Variants in CSNK2A2IP observed in about 807,000 individuals in gnomAD.
CSNK2A2IP encodes casein kinase II subunit alpha'-interacting protein.
chr3:88,424,396 C>T, the CSNK2A2IP span, among the ~76,000 whole-genome samples: 5 of 152,192 alleles, frequency 3.3e-5, no homozygotes, highest in East Asian at 9.7e-4. Flanking sequence ...TATAATGTGA[C>T]GTTGTACAAA....
the CSNK2A2IP span, among the ~76,000 whole-genome samples, chr3:88,400,904 A>G: frequency 6.6e-6 from 1 of 152,190 alleles, no homozygotes; most frequent in African/African-American, 2.4e-5. Context: ...GCAGAGGGAG[A>G]AAAGCATGGA....
the CSNK2A2IP span, among the ~76,000 whole-genome samples, chr3:88,430,708 G>A: frequency 6.6e-6 from 1 of 152,024 alleles, no homozygotes; most frequent in Non-Finnish European, 1.5e-5. Context: ...CAGATTTTTA[G>A]AAGAGTCAAT....
the CSNK2A2IP span, among the ~76,000 whole-genome samples, chr3:88,355,056 C>T: frequency 6.6e-6 from 1 of 152,010 alleles, no homozygotes; most frequent in Admixed American, 6.6e-5. Flanking sequence ...CATGATCAAC[C>T]CTGTGAAACA....
the CSNK2A2IP span, among the ~76,000 whole-genome samples, chr3:88,432,259 T>A: frequency 5.9e-5 from 9 of 151,928 alleles, no homozygotes; most frequent in African/African-American, 1.7e-4. Flanking sequence ...GAAACAATTT[T>A]AATTATAAAC....
chr3:88,465,080 G>C, the CSNK2A2IP span: 1 of 272,800 alleles, frequency 3.7e-6, no homozygotes, highest in African/African-American at 2.2e-5. Flanking sequence ...TTACTATTTT[G>C]TTAACAGGCA....
the CSNK2A2IP span, among the ~76,000 whole-genome samples, chr3:88,394,397 A>G: frequency 3.3e-5 from 5 of 152,134 alleles, no homozygotes; most frequent in Admixed American, 6.6e-5. Flanking sequence ...TTTGAGATGC[A>G]GTTTTGCTCT....
the CSNK2A2IP span, among the ~76,000 whole-genome samples, chr3:88,364,005 T>C: frequency 1.3e-5 from 2 of 152,172 alleles, no homozygotes; most frequent in Admixed American, 6.5e-5. Flanking sequence ...CAGGTCCTGC[T>C]TCTGTGCAAT....
At chr3:88,400,327 G>A in the CSNK2A2IP span, among the ~76,000 whole-genome samples, 1 of 152,080 alleles carries the variant, frequency 6.6e-6, no homozygotes, top group African/African-American at 2.4e-5. Context: ...TTTAGTTTGA[G>A]CCACCCACTA....
At chr3:88,465,876 G>T in the CSNK2A2IP span, 1 of 1,231,624 alleles carries the variant, frequency 8.1e-7, no homozygotes, top group South Asian at 4.1e-5. Flanking sequence ...CACTTTCATT[G>T]AAGTCTCATC....
chr3:88,464,219 C>T, the CSNK2A2IP span, among the ~76,000 whole-genome samples: 37 of 151,114 alleles, frequency 2.4e-4, no homozygotes, highest in African/African-American at 8.3e-4. Flanking sequence ...TGCTAAATGA[C>T]GAGTTAATGG....
the CSNK2A2IP span, among the ~76,000 whole-genome samples, chr3:88,450,045 T>A: frequency 6.6e-6 from 1 of 151,220 alleles, no homozygotes; most frequent in Non-Finnish European, 1.5e-5. Context: ...CTGTTTTGTA[T>A]TTTTGTAGAG....
At chr3:88,423,495 C>G in the CSNK2A2IP span, among the ~76,000 whole-genome samples, 39 of 152,042 alleles carry the variant, frequency 2.6e-4, no homozygotes, top group Non-Finnish European at 4.9e-4. Context: ...GATCAGGGAG[C>G]TATGTCTGGG....
chr3:88,344,330 A>C, the CSNK2A2IP span, among the ~76,000 whole-genome samples: 1 of 151,940 alleles, frequency 6.6e-6, no homozygotes, highest in African/African-American at 2.4e-5. Flanking sequence ...CAATGAAGGC[A>C]TGTGTCTTTT....
chr3:88,402,158 G>C, the CSNK2A2IP span, among the ~76,000 whole-genome samples: 1 of 151,882 alleles, frequency 6.6e-6, no homozygotes, highest in Non-Finnish European at 1.5e-5. Context: ...TGACTGCTTG[G>C]AAGACATTTA....
the CSNK2A2IP span, among the ~76,000 whole-genome samples, chr3:88,341,300 TA>T: frequency 6.6e-6 from 1 of 151,826 alleles, no homozygotes; most frequent in African/African-American, 2.4e-5. Context: ...TCATTATTAT[TA>T]TATGCATTTT....
the CSNK2A2IP span, among the ~76,000 whole-genome samples, chr3:88,350,976 C>G: frequency 6.6e-6 from 1 of 152,076 alleles, no homozygotes; most frequent in African/African-American, 2.4e-5. Context: ...GGCAGAAGAG[C>G]AAGATAGAAA....
the CSNK2A2IP span, among the ~76,000 whole-genome samples, chr3:88,414,480 A>C: frequency 6.6e-6 from 1 of 151,448 alleles, no homozygotes; most frequent in Admixed American, 6.6e-5. Flanking sequence ...ACAGGGTTTC[A>C]CCATGTTGGC....
the CSNK2A2IP span, among the ~76,000 whole-genome samples, chr3:88,425,714 T>C: frequency 6.6e-6 from 1 of 152,258 alleles, no homozygotes; most frequent in South Asian, 2.1e-4. Flanking sequence ...GTAATAAGCA[T>C]TGGTATAACT....
At chr3:88,426,261 T>G in the CSNK2A2IP span, among the ~76,000 whole-genome samples, 1 of 152,214 alleles carries the variant, frequency 6.6e-6, no homozygotes, top group Admixed American at 6.5e-5. Context: ...ATTGCCTTAA[T>G]GCCAAGAGTT....
Sources: gnomAD v4.1 joint callset for allele counts (sites outside exome capture counted in the v4.1 genomes callset) on GRCh38, gnomAD v4.1.1 for gene constraint, MANE v1.5 for transcripts, NCBI Gene and HGNC (gene_info 2026-07-23, HGNC 2026-07-21) for gene names.